Variants in DNAAF11 observed in about 807,000 individuals in gnomAD.
DNAAF11 encodes leucine rich repeat containing 6.
In DNAAF11, 45 loss-of-function variants were observed where a neutral mutation model predicts 60.8. The ratio of observed to expected loss-of-function variants is 0.74; its 90% confidence interval spans 0.58 to 0.95. The LOEUF (loss-of-function observed/expected upper bound fraction) is 0.95, where lower values mean the gene tolerates loss of function less well. Among genes scored for constraint, DNAAF11 ranks in the 40% least tolerant of loss-of-function variants. The probability of loss-of-function intolerance (pLI) is 0.00; values close to 1 mark genes in which losing one functional copy is unlikely to be tolerated. For synonymous variants in DNAAF11, 191 were observed against 183.5 expected (o/e 1.04, Z -0.33); for missense variants, 546 against 546.2 (o/e 1.00, Z 0.00).
chr8:132,659,383 AAG>A (rs1431458921), intron 2 of DNAAF11, among the ~76,000 whole-genome samples: 1 of 152,190 alleles, frequency 6.6e-6, no homozygotes, highest in Admixed American at 6.5e-5. Context: ...TAGGATTTAA[AAG>A]AGTGTTTAAT....
chr8:132,582,816 T>C (rs913161585), intron 11 of DNAAF11, among the ~76,000 whole-genome samples: 1 of 152,248 alleles, frequency 6.6e-6, no homozygotes, highest in East Asian at 1.9e-4. Context: ...AAAGATAGTT[T>C]GCCTTACTTC....
chr8:132,579,928 G>A (rs1369840385), intron 11 of DNAAF11, among the ~76,000 whole-genome samples: 1 of 151,756 alleles, frequency 6.6e-6, no homozygotes, highest in Non-Finnish European at 1.5e-5. Flanking sequence ...ACTGGGAGGC[G>A]GAAGTTGCAG....
intron 3 of DNAAF11, among the ~76,000 whole-genome samples, chr8:132,640,347 A>G (rs1345572639): frequency 1.3e-5 from 2 of 152,172 alleles, no homozygotes; most frequent in African/African-American, 4.8e-5. Context: ...GACAACAGTC[A>G]TGGTTATTGG....
At chr8:132,656,934 A>T in intron 2 of DNAAF11, 27 bp from the exon 3 acceptor site, 1 of 820,774 alleles carries the variant, frequency 1.2e-6, no homozygotes, top group Non-Finnish European at 2.0e-6. Flanking sequence ...TGTAGTTAAG[A>T]TAATTAATCT....
rs559973133 is a variant in DNAAF11 at position 132,664,948 on chromosome 8, C to T, written c.11-3321G>A. 3.3e-5 allele frequency among the ~76,000 whole-genome samples: 5 copies of T among 152,170 alleles called. No individual in the cohort carries two copies. In the South Asian group the frequency reaches 1.0e-3, roughly 32 times the overall value. ...TAAAGAGGTGGAGTTTAGGGAGCCT[C>T]CCTTAGCATGAATAACTAAATTACA... On this transcript the variant is annotated intron_variant, in intron 1 of 11. Coordinates refer to ENST00000620350, the MANE Select transcript of DNAAF11 (RefSeq NM_012472.6).
intron 1 of DNAAF11, among the ~76,000 whole-genome samples, chr8:132,667,053 T>C (rs1049142462): frequency 3.9e-5 from 6 of 152,118 alleles, no homozygotes; most frequent in African/African-American, 9.7e-5. Context: ...ACTGAAGGAA[T>C]TGGGAGATAT....
intron 5 of DNAAF11, among the ~76,000 whole-genome samples, chr8:132,626,871 TTTC>T (rs1820334657): frequency 6.6e-6 from 1 of 152,226 alleles, no homozygotes; most frequent in Non-Finnish European, 1.5e-5. Context: ...CTAAAGATAT[TTTC>T]TTCATTTTGA....
intron 1 of DNAAF11, among the ~76,000 whole-genome samples, chr8:132,665,616 C>T (rs1360398095): frequency 6.6e-6 from 1 of 152,078 alleles, no homozygotes; most frequent in East Asian, 1.9e-4. Flanking sequence ...GGCAAGGATG[C>T]AGAGAAAAGG....
At chr8:132,702,551 A>G in the DNAAF11 span, among the ~76,000 whole-genome samples, 1 of 129,864 alleles carries the variant, frequency 7.7e-6, no homozygotes, top group Non-Finnish European at 1.6e-5. Flanking sequence ...AAATACTACT[A>G]CTACTGTCAC....
chr8:132,639,001 G>T (rs1821590576), intron 3 of DNAAF11, among the ~76,000 whole-genome samples: 1 of 152,154 alleles, frequency 6.6e-6, no homozygotes, highest in Non-Finnish European at 1.5e-5. Context: ...TAATAGTATT[G>T]GTACCAGAGT....
intron 1 of DNAAF11, among the ~76,000 whole-genome samples, chr8:132,673,218 T>C (rs1586757597): frequency 6.6e-6 from 1 of 152,180 alleles, no homozygotes; most frequent in Non-Finnish European, 1.5e-5. Flanking sequence ...TGGGTTCTGT[T>C]CCCAGCCCTG....
intron 1 of DNAAF11, among the ~76,000 whole-genome samples, chr8:132,671,511 T>C (rs1031036361): frequency 6.6e-6 from 1 of 152,206 alleles, no homozygotes; most frequent in Non-Finnish European, 1.5e-5. Flanking sequence ...CAGACTTATT[T>C]TTGTACAAAT....
chr8:132,616,053 G>A (rs1299160363), intron 7 of DNAAF11, among the ~76,000 whole-genome samples: 3 of 151,984 alleles, frequency 2.0e-5, no homozygotes, highest in Non-Finnish European at 4.4e-5. Flanking sequence ...CTTTTTATAT[G>A]CTCCTGCTCT....
intron 4 of DNAAF11, among the ~76,000 whole-genome samples, chr8:132,636,570 C>G (rs1049246405): frequency 6.6e-6 from 1 of 152,178 alleles, no homozygotes; most frequent in Non-Finnish European, 1.5e-5. Flanking sequence ...TATGATGGCT[C>G]TCACACCTCT....
At chr8:132,657,765 G>A (rs548775873) in intron 2 of DNAAF11, among the ~76,000 whole-genome samples, 1 of 152,276 alleles carries the variant, frequency 6.6e-6, no homozygotes, top group African/African-American at 2.4e-5. Flanking sequence ...TCAGCATTTA[G>A]TATATATTAC....
Position 132,572,421 on chromosome 8 carries a change from G to A in DNAAF11, c.1286C>T (p.Thr429Ile). The A allele has an allele frequency of 2.5e-6, 4 of 1,613,440 alleles. No homozygotes were observed. Among genetic ancestry groups the A allele is most frequent in the Middle Eastern group, 1.7e-4 (1 of 6,056 alleles). ...DPSKHSFPDVTNIVQEKKHTP... is the reference protein window; with the variant it reads ...DPSKHSFPDVINIVQEKKHTP... The stretch of plus-strand genomic sequence containing the variant: ...GTGTTTTTTCTCTTGAACTATGTTA[G>A]TCACATCAGGGAATGAGTGCTTGCT... Residue 429 changes from threonine (T) to isoleucine (I), a missense_variant, in exon 12 of 12, where the codon ACT becomes ATT. Coordinates refer to ENST00000620350, the MANE Select transcript of DNAAF11 (RefSeq NM_012472.6).
chr8:132,623,424 C>CA (rs879854777), intron 6 of DNAAF11, among the ~76,000 whole-genome samples: 122 of 140,792 alleles, frequency 8.7e-4, no homozygotes, highest in Admixed American at 1.3e-3. Context: ...TTACAAAGAG[C>CA]AAAAAAAAAA....
the DNAAF11 span, among the ~76,000 whole-genome samples, chr8:132,691,547 A>T: frequency 1.3e-5 from 2 of 152,152 alleles, no homozygotes; most frequent in Admixed American, 1.3e-4. Flanking sequence ...TTTATACAGA[A>T]AAAAGTTTCA....
chr8:132,572,359 T>C lies in DNAAF11; in HGVS notation c.1348A>G (p.Ser450Gly). 1 of 1,614,054 alleles carries C rather than the reference T, an allele frequency of 6.2e-7. No individual in the cohort carries two copies. The highest frequency in any genetic ancestry group is 8.5e-7 in the Non-Finnish European group (1 of 1,179,948). The change falls in exon 12 of 12, where the codon AGT becomes GGT. Residue 450 changes from serine to glycine, a missense_variant. By Grantham distance (56) the Ser-to-Gly change is moderately conservative. Coordinates refer to ENST00000620350, the MANE Select transcript of DNAAF11 (RefSeq NM_012472.6). Reference protein sequence around the residue: ...RRRPEPKIIPSEEDPTFEDNP... With the variant: ...RRRPEPKIIPGEEDPTFEDNP... ...TCTTCAAAGGTTGGGTCTTCCTCAC[T>C]TGGTATAATTTTGGGTTCAGGTCGT...
Sources: allele counts gnomAD v4.1 joint callset (sites outside exome capture counted in the v4.1 genomes callset), GRCh38; gene constraint gnomAD v4.1.1; transcripts MANE v1.5; gene names NCBI Gene and HGNC (gene_info 2026-07-23, HGNC 2026-07-21).